PRKAG2: variants seen among roughly 807,000 people sequenced by gnomAD.
PRKAG2 encodes the protein 5'-AMP-activated protein kinase subunit gamma-2.
A neutral mutation model predicts 69.6 loss-of-function variants in PRKAG2; 26 were observed. That is an observed-to-expected ratio of 0.37 (90% CI 0.27 to 0.52). PRKAG2 has a LOEUF of 0.52. Ranked by LOEUF, PRKAG2 falls within the 20% of genes least tolerant of loss-of-function variation. PRKAG2 has a pLI of 0.90. For missense variants in PRKAG2, 557 were observed against 740.0 expected (o/e 0.75, Z 2.87); for synonymous variants, 293 against 285.0 (o/e 1.03, Z -0.28).
intron 5 of PRKAG2, among the ~76,000 whole-genome samples, chr7:151,630,661 T>C (rs1229938014): frequency 6.6e-6 from 1 of 152,236 alleles, no homozygotes; most frequent in African/African-American, 2.4e-5. Flanking sequence ...GCAAAAATTG[T>C]AACTGTAAAA....
rs145399461 is a variant in PRKAG2 at position 151,717,208 on chromosome 7, T to C, written c.467-41571A>G. On this transcript the variant is annotated intron_variant, in intron 3 of 15. Transcript: ENST00000287878. The stretch of plus-strand genomic sequence containing the variant: ...GTTGCAGTGAGCTGAGATCGTGACA[T>C]TGCATTCCAGCCTGGGCAACAGACC... Among the ~76,000 whole-genome samples, 141 of 150,626 alleles carry C rather than the reference T, an allele frequency of 9.4e-4. No homozygotes were observed. The East Asian group carries it at 0.027, about 29-fold the overall frequency.
intron 3 of PRKAG2, among the ~76,000 whole-genome samples, chr7:151,694,234 C>T (rs910843411): frequency 1.3e-5 from 2 of 152,208 alleles, no homozygotes; most frequent in African/African-American, 2.4e-5. Context: ...CCTAAACAGA[C>T]GAAGACGCTG....
At chr7:151,631,187 CTAAA>C (rs1175112590) in intron 5 of PRKAG2, among the ~76,000 whole-genome samples, 3 of 152,176 alleles carry the variant, frequency 2.0e-5, no homozygotes, top group Non-Finnish European at 4.4e-5. Flanking sequence ...AGAGAAGTTG[CTAAA>C]TAAATAATGG....
At chr7:151,830,615 G>A (rs1316919646) in intron 1 of PRKAG2, among the ~76,000 whole-genome samples, 1 of 151,848 alleles carries the variant, frequency 6.6e-6, no homozygotes, top group Admixed American at 6.6e-5. Context: ...TGCCTCCCCG[G>A]CCCTCCCGCG....
At chr7:151,784,583 T>C (rs141943476) in intron 2 of PRKAG2, among the ~76,000 whole-genome samples, 264 of 150,486 alleles carry the variant, frequency 1.8e-3, no homozygotes, top group Middle Eastern at 3.5e-3. Context: ...GGAGAAGGGG[T>C]TTGAAGCACA....
chr7:151,761,947 T>G (rs2075436810), intron 3 of PRKAG2, among the ~76,000 whole-genome samples: 1 of 152,230 alleles, frequency 6.6e-6, no homozygotes, highest in Non-Finnish European at 1.5e-5. Flanking sequence ...ACGCACGTTT[T>G]TCTTAAATCC....
In PRKAG2 at chr7:151,788,441, G is replaced by C. The variant is rs115474013; in HGVS notation, c.115-1900C>G. ...TCTATTCAGGCCATTTGTCTGACTT[G>C]TTTGGAGAAATGTCCATTCAGGCCA... On this transcript the variant is annotated intron_variant, in intron 1 of 15. Transcript: ENST00000287878. The surrounding 1 kb of genome is among the most constrained non-coding windows in gnomAD (Gnocchi z 4.6). Among the ~76,000 whole-genome samples, 9 of 152,286 alleles carry C rather than the reference G, an allele frequency of 5.9e-5. No homozygotes were observed. The highest frequency in any genetic ancestry group is 2.2e-4 in the African/African-American group (9 of 41,560).
chr7:151,642,423 G>A (rs966073939), intron 4 of PRKAG2, among the ~76,000 whole-genome samples: 8 of 152,184 alleles, frequency 5.3e-5, no homozygotes, highest in African/African-American at 1.9e-4. Flanking sequence ...TAGCTACACA[G>A]GAGGCTGAGG....
Position 151,876,859 on chromosome 7 carries a change from C to G in PRKAG2, c.-239G>C. ...CCTCGTAGGCAAATCAGTCAAAGCC[C>G]GTCCCGGTTCTGGTGTCTCCCCGGG... On this transcript the variant is annotated 5_prime_UTR_variant, in exon 1 of 16. Coordinates refer to ENST00000287878, the MANE Select transcript of PRKAG2 (RefSeq NM_016203.4). 1.7e-6 allele frequency: 1 copy of G among 578,430 alleles called. No individual in the cohort carries two copies. The allele number at this position is 578,430 out of a possible 1,614,324, so 35.8% of individuals were successfully genotyped here. A position where few individuals can be genotyped will look rare whatever the true frequency, so the allele number is the denominator to read the frequency against.
chr7:151,716,972 T>C (rs767898480), intron 3 of PRKAG2, among the ~76,000 whole-genome samples: 30 of 151,950 alleles, frequency 2.0e-4, no homozygotes, highest in Non-Finnish European at 3.8e-4. Context: ...GTGGGCCGGG[T>C]GTGGTGGCTC....
At chr7:151,724,214 A>G (rs1424382479) in intron 3 of PRKAG2, among the ~76,000 whole-genome samples, 1 of 152,138 alleles carries the variant, frequency 6.6e-6, no homozygotes, top group African/African-American at 2.4e-5. Context: ...AAATCACCCT[A>G]TAACAACACA....
intron 14 of PRKAG2, 46 bp from the exon 15 acceptor site, chr7:151,560,663 G>C (rs779174285): frequency 1.2e-6 from 2 of 1,607,940 alleles, no homozygotes; most frequent in African/African-American, 2.7e-5. Flanking sequence ...ATTTAAAAAA[G>C]GTTTAAAATG....
At chr7:151,862,893 G>A (rs2079968439) in intron 1 of PRKAG2, among the ~76,000 whole-genome samples, 1 of 151,622 alleles carries the variant, frequency 6.6e-6, no homozygotes, top group African/African-American at 2.4e-5. Context: ...TGGGTGCAGG[G>A]AGCACTGGTA....
chr7:151,556,304 C>T lies in PRKAG2; in HGVS notation c.*897G>A, dbSNP rs1803780221. ...ACTGTATATGCCACAATAAAATTTA[C>T]AAAAACAATCGCATCAGCAGTCATA... On this transcript the variant is annotated 3_prime_UTR_variant, in exon 16 of 16. Transcript: ENST00000287878. 1.3e-5 allele frequency: 2 copies of T among 152,592 alleles called. No individual in the cohort carries two copies. The highest frequency in any genetic ancestry group is 4.1e-4 in the South Asian group (2 of 4,828). 9.5% of individuals were successfully genotyped at this position (152,592 alleles called of 1,614,324 possible). A position where few individuals can be genotyped will look rare whatever the true frequency, so the allele number is the denominator to read the frequency against.
chr7:151,601,451 C>T (rs1012713411), intron 5 of PRKAG2, among the ~76,000 whole-genome samples: 35 of 152,060 alleles, frequency 2.3e-4, no homozygotes, highest in Admixed American at 2.2e-3. Context: ...TGCATATTGT[C>T]TAGTGTGCAT....
At chr7:151,603,687 A>C (rs1191055187) in intron 5 of PRKAG2, among the ~76,000 whole-genome samples, 2 of 152,064 alleles carry the variant, frequency 1.3e-5, no homozygotes, top group Non-Finnish European at 1.5e-5. Flanking sequence ...ATCCCATCCT[A>C]TCCAGGGTGC....
chr7:151,713,621 G>T (rs1795669414), intron 3 of PRKAG2, among the ~76,000 whole-genome samples: 1 of 141,336 alleles, frequency 7.1e-6, no homozygotes, highest in African/African-American at 2.7e-5. Context: ...GTCTCGCTCT[G>T]TTGCCCAGGC....
intron 5 of PRKAG2, among the ~76,000 whole-genome samples, chr7:151,621,383 A>T (rs1821441395): frequency 6.6e-6 from 1 of 152,158 alleles, no homozygotes; most frequent in Non-Finnish European, 1.5e-5. Flanking sequence ...TATCTTATTT[A>T]AAAAATAGCT....
At chr7:151,629,498 C>T (rs771712903) in intron 5 of PRKAG2, among the ~76,000 whole-genome samples, 4 of 152,276 alleles carry the variant, frequency 2.6e-5, no homozygotes, top group Middle Eastern at 3.4e-3. Context: ...CAAACCCACC[C>T]GTACCATGTC....
Sources: gnomAD v4.1 joint callset for allele counts (sites outside exome capture counted in the v4.1 genomes callset) on GRCh38, gnomAD v4.1.1 for gene constraint, Gnocchi (gnomAD v3.1) non-coding constraint, MANE v1.5 for transcripts, NCBI Gene and HGNC (gene_info 2026-07-23, HGNC 2026-07-21) for gene names.